The following SH2D3C variants were observed in gnomAD, a reference collection of about 807,000 sequenced individuals.
The protein encoded by SH2D3C is SH2 domain-containing protein 3C.
A neutral mutation model predicts 75.2 loss-of-function variants in SH2D3C; 25 were observed. That is an observed-to-expected ratio of 0.33 (90% confidence interval 0.24 to 0.46). The LOEUF (loss-of-function observed/expected upper bound fraction) is 0.46, where lower values mean the gene tolerates loss of function less well. Among genes scored for constraint, SH2D3C ranks in the 20% least tolerant of loss-of-function variants. The probability of loss-of-function intolerance (pLI) is 1.00; values close to 1 mark genes in which losing one functional copy is unlikely to be tolerated. For synonymous variants in SH2D3C, 450 were observed against 473.7 expected (o/e 0.95, Z 0.65); for missense variants, 933 against 1,165.3 (o/e 0.80, Z 2.90).
At chr9:127,750,091 C>CT (rs1845154931) in intron 4 of SH2D3C, among the ~76,000 whole-genome samples, 1 of 152,018 alleles carries the variant, frequency 6.6e-6, no homozygotes, top group Admixed American at 6.6e-5. Context: ...CCTCAAGCTG[C>CT]TTTTTTGTCC....
chr9:127,765,507 C>A (rs10739696), intron 2 of SH2D3C, among the ~76,000 whole-genome samples: 94,290 of 152,020 alleles, frequency 0.62, 29,769 homozygotes, highest in East Asian at 0.97. Flanking sequence ...TGGCTGGGCC[C>A]TCTGTGACCC....
At chr9:127,776,166 C>T (rs1845806332) in intron 1 of SH2D3C, among the ~76,000 whole-genome samples, 1 of 152,186 alleles carries the variant, frequency 6.6e-6, no homozygotes, top group Non-Finnish European at 1.5e-5. Context: ...GAAAATGATT[C>T]TGCATCTGCC....
In SH2D3C at chr9:127,770,930, C is replaced by T. The variant is rs185579093; in HGVS notation, c.515+3060G>A. ...TGACGCTCACTGGCTGTGTCAAACTCGGCAGGCAAATCTTTCTTTCCTCAT... is the reference window on the plus strand; with the variant it reads ...TGACGCTCACTGGCTGTGTCAAACTTGGCAGGCAAATCTTTCTTTCCTCAT... On this transcript the variant is annotated intron_variant, in intron 2 of 11. Coordinates refer to ENST00000314830, the MANE Select transcript of SH2D3C (RefSeq NM_170600.3). 1.5e-4 allele frequency among the ~76,000 whole-genome samples: 23 copies of T among 152,312 alleles called. 1 individual carries two copies. The East Asian group carries it at 1.5e-3, about 10-fold the overall frequency.
rs200199419 is a variant in SH2D3C at position 127,774,427 on chromosome 9, G to A, written c.78C>T (p.Leu26=). 1.9e-4 allele frequency: 304 copies of A among 1,611,548 alleles called. 4 individuals are homozygous for A. The East Asian group carries it at 5.2e-3, about 28-fold the overall frequency. The change falls in exon 2 of 12, where the codon CTC becomes CTT. Residue 26 remains leucine (L), a synonymous_variant. Coordinates refer to ENST00000314830, the MANE Select transcript of SH2D3C (RefSeq NM_170600.3). The surrounding 1 kb of genome is among the most constrained non-coding windows in gnomAD (Gnocchi z 4.3). ...ATCGTCTCAGAGTGAAGGACCGAGG[G>A]AGGTTGGAGAGACTCCCAAAGCCCT... ...KFKGFGSLSN[L]PRSFTLRRSS... is the part of the protein sequence containing the mutation.
At chr9:127,760,439 G>A (rs181710605) in intron 3 of SH2D3C, among the ~76,000 whole-genome samples, 4 of 152,214 alleles carry the variant, frequency 2.6e-5, no homozygotes, top group African/African-American at 9.6e-5. Flanking sequence ...ACCATTAAGA[G>A]TATGTGGTGT....
intron 1 of SH2D3C, among the ~76,000 whole-genome samples, chr9:127,778,122 G>A (rs988213892): frequency 1.3e-5 from 2 of 151,928 alleles, no homozygotes; most frequent in African/African-American, 4.8e-5. Context: ...TGAGTAGCTG[G>A]GATTACAGGT....
At chr9:127,767,141 T>A (rs1398596397) in intron 2 of SH2D3C, 2 of 1,535,610 alleles carry the variant, frequency 1.3e-6, no homozygotes, top group Middle Eastern at 1.8e-4. Flanking sequence ...TTTTCCTGAG[T>A]GGGCTGCAGT....
intron 5 of SH2D3C, among the ~76,000 whole-genome samples, chr9:127,747,601 T>C (rs1845072481): frequency 6.6e-6 from 1 of 152,026 alleles, no homozygotes; most frequent in South Asian, 2.1e-4. Context: ...TGGCGTGATT[T>C]CAGCTCACTG....
intron 6 of SH2D3C, 143 bp from the exon 7 acceptor site, chr9:127,745,242 AC>A: frequency 1.6e-6 from 1 of 620,952 alleles, no homozygotes; most frequent in Non-Finnish European, 2.4e-6. Context: ...ATCACCAGAG[AC>A]CAGGGCCGAT....
chr9:127,751,234 G>C lies in SH2D3C; in HGVS notation c.622C>G (p.Leu208Val), dbSNP rs1168478749. 6.2e-7 allele frequency: 1 copy of C among 1,613,990 alleles called. No individual in the cohort carries two copies. Among genetic ancestry groups the C allele is most frequent in the Non-Finnish European group, 8.5e-7 (1 of 1,179,832 alleles). ...EKLHKELEEE[L>V]KLSSTDLRSH... ...CGGAGATCCGTGCTGCTGAGTTTGA[G>C]CTCCTCCTCCAATTCCTTGTGGAGT... The change falls in exon 4 of 12, where the codon CTC (leucine) becomes GTC (valine). Residue 208 changes from leucine (L) to valine (V), a missense_variant. Coordinates refer to ENST00000314830, the MANE Select transcript of SH2D3C (RefSeq NM_170600.3). The surrounding 1 kb of genome is among the most constrained non-coding windows in gnomAD (Gnocchi z 4.1).
At position 127,745,056 on chromosome 9, in the gene SH2D3C, T is replaced by G; in HGVS notation, c.1308A>C (p.Ala436=). 1 of 1,510,296 alleles carries G rather than the reference T, an allele frequency of 6.6e-7. No homozygotes were observed. 93.6% of individuals were successfully genotyped at this position (1,510,296 alleles called of 1,614,324 possible). A position where few individuals can be genotyped will look rare whatever the true frequency, so the allele number is the denominator to read the frequency against. Residue 436 remains alanine (A), a synonymous_variant, in exon 7 of 12, where the codon GCA becomes GCC. Coordinates refer to ENST00000314830, the MANE Select transcript of SH2D3C (RefSeq NM_170600.3). ...GGCGGGCGACAGGGGAGGCAGGCAA[T>G]GCTGTGGCAGAAGGGGCTGCAGGGG... is the stretch of plus-strand genomic sequence containing the variant. ...HAAPAAPSAT[A]LPASPVARRS...
chr9:127,763,318 AT>A (rs1845573117), intron 2 of SH2D3C, among the ~76,000 whole-genome samples: 1 of 152,128 alleles, frequency 6.6e-6, no homozygotes. Context: ...ATATTTATTT[AT>A]TGACTTAATT....
chr9:127,768,517 C>G (rs1045861455), intron 2 of SH2D3C, among the ~76,000 whole-genome samples: 1 of 151,922 alleles, frequency 6.6e-6, no homozygotes, highest in Non-Finnish European at 1.5e-5. Context: ...CCTAAAAGTT[C>G]GAGGCTGCAG....
Position 127,741,791 on chromosome 9 carries a change from G to A in SH2D3C, c.2085C>T (p.Ala695=), listed in dbSNP as rs514024. The A allele has an allele frequency of 0.57, 914,903 of 1,612,512 alleles. 262,328 individuals are homozygous for A. The highest frequency in any genetic ancestry group is 0.63 in the Middle Eastern group (3,827 of 6,056). ...FAAVMGALDM[A]QISRLEQTWV... ...AGCTCTGCGCGGCTCTCAGTACCTG[G>A]GCCATGTCCAGGGCACCCATGACCG... Residue 695 remains alanine, a synonymous_variant, in exon 9 of 12, where the codon GCC becomes GCT. Transcript: ENST00000314830.
In SH2D3C at chr9:127,749,665, C is replaced by A; in HGVS notation, c.685G>T (p.Val229Phe). 1 of 1,540,714 alleles carries A rather than the reference C, an allele frequency of 6.5e-7. No homozygotes were observed. The highest frequency in any genetic ancestry group is 8.7e-7 in the Non-Finnish European group (1 of 1,146,146). The change falls in exon 5 of 12, where the codon GTC (valine) becomes TTC (phenylalanine). Residue 229 changes from valine to phenylalanine, a missense_variant and splice_region_variant. Val to Phe is a conservative substitution (Grantham distance 50). Transcript: ENST00000314830. The surrounding 1 kb of genome is among the most constrained non-coding windows in gnomAD (Gnocchi z 5.9). The stretch of plus-strand genomic sequence containing the variant: ...TTGCGTTGTACCAAGGTCTCCGAGA[C>A]CTGCAGAAGGCATGGTTAGGCTGGA... ...AWYHGRIPRE[V>F]SETLVQRNGD...
At chr9:127,757,579 T>C (rs1177751130) in intron 3 of SH2D3C, among the ~76,000 whole-genome samples, 5 of 150,636 alleles carry the variant, frequency 3.3e-5, no homozygotes, top group African/African-American at 4.9e-5. Context: ...TAGCTGGGAT[T>C]ACAGGCATGC....
At chr9:127,769,844 T>A (rs1261801713) in intron 2 of SH2D3C, among the ~76,000 whole-genome samples, 1 of 152,000 alleles carries the variant, frequency 6.6e-6, no homozygotes, top group Admixed American at 6.6e-5. Flanking sequence ...TGAGTCTCAG[T>A]CTCCTCACTG....
rs921553961 is a variant in SH2D3C at position 127,744,708 on chromosome 9, G to A, written c.1656C>T (p.Ser552=). ...GTGACTGGAAGGTGGCCGGGTTGAAGGAAGAAGTGACTTCCACGATGGGGA... is the reference window on the plus strand; with the variant it reads ...GTGACTGGAAGGTGGCCGGGTTGAAAGAAGAAGTGACTTCCACGATGGGGA... ...FTVPIVEVTS[S]FNPATFQSLL... Residue 552 remains serine, a synonymous_variant, in exon 7 of 12, where the codon TCC becomes TCT. Transcript: ENST00000314830. 7 of 1,614,226 alleles carry A rather than the reference G, an allele frequency of 4.3e-6. No homozygotes were observed. The highest frequency in any genetic ancestry group is 5.9e-6 in the Non-Finnish European group (7 of 1,180,044).
intron 3 of SH2D3C, among the ~76,000 whole-genome samples, chr9:127,761,122 T>TG (rs1454346806): frequency 6.6e-6 from 1 of 152,236 alleles, no homozygotes; most frequent in African/African-American, 2.4e-5. Context: ...ATTACAAGCA[T>TG]GAGCCACCGT....
Sources: gnomAD v4.1 joint callset for allele counts (sites outside exome capture counted in the v4.1 genomes callset) on GRCh38, gnomAD v4.1.1 for gene constraint, Gnocchi (gnomAD v3.1) non-coding constraint, MANE v1.5 for transcripts, NCBI Gene and HGNC (gene_info 2026-07-23, HGNC 2026-07-21) for gene names.